DNTT: variants seen among roughly 807,000 people sequenced by gnomAD.
DNTT encodes the protein nucleosidetriphosphate:DNA deoxynucleotidylexotransferase.
Under a neutral mutation model 60.9 loss-of-function variants are expected in DNTT, and 47 were observed. The ratio of observed to expected loss-of-function variants is 0.77; its 90% confidence interval spans 0.61 to 0.98. The LOEUF (loss-of-function observed/expected upper bound fraction) is 0.98, where lower values mean the gene tolerates loss of function less well. Among genes scored for constraint, DNTT ranks in the 50% least tolerant of loss-of-function variants. The probability of loss-of-function intolerance (pLI) is 0.00; values close to 1 mark genes in which losing one functional copy is unlikely to be tolerated. For synonymous variants in DNTT, 224 were observed against 221.2 expected (o/e 1.01, Z -0.11); for missense variants, 665 against 627.5 (o/e 1.06, Z -0.64).
intron 1 of DNTT, among the ~76,000 whole-genome samples, chr10:96,305,889 T>C (rs1198571509): frequency 2.0e-5 from 3 of 152,148 alleles, no homozygotes; most frequent in Non-Finnish European, 2.9e-5. Flanking sequence ...CCACCTGATT[T>C]CTCTTTGCAA....
intron 1 of DNTT, among the ~76,000 whole-genome samples, chr10:96,312,442 G>T (rs1158511968): frequency 6.6e-6 from 1 of 152,012 alleles, no homozygotes; most frequent in African/African-American, 2.4e-5. Flanking sequence ...AGACATTGGC[G>T]CCTCCTCTTA....
At chr10:96,332,301 A>G (rs1216883429) in intron 8 of DNTT, 50 bp from the exon 9 acceptor site, 3 of 1,589,322 alleles carry the variant, frequency 1.9e-6, no homozygotes, top group Non-Finnish European at 1.7e-6. Flanking sequence ...GTTAAATCAT[A>G]GATCTTCTTC....
intron 9 of DNTT, among the ~76,000 whole-genome samples, chr10:96,335,318 G>T (rs575365474): frequency 2.0e-5 from 3 of 152,280 alleles, no homozygotes; most frequent in African/African-American, 7.2e-5. Context: ...TAGACGATCA[G>T]TTTCATGGCA....
intron 1 of DNTT, among the ~76,000 whole-genome samples, chr10:96,307,689 A>G (rs1230946447): frequency 9.2e-5 from 10 of 109,204 alleles, no homozygotes; most frequent in Non-Finnish European, 1.7e-4. Flanking sequence ...ATATATATGT[A>G]TGTGTGTGTG....
intron 1 of DNTT, among the ~76,000 whole-genome samples, chr10:96,310,351 A>C (rs1323740265): frequency 3.9e-5 from 6 of 152,234 alleles, no homozygotes; most frequent in African/African-American, 1.4e-4. Flanking sequence ...CAAAATATTC[A>C]AAGTCATTGT....
At chr10:96,309,382 GAA>G (rs1473235727) in intron 1 of DNTT, among the ~76,000 whole-genome samples, 2 of 151,986 alleles carry the variant, frequency 1.3e-5, no homozygotes, top group African/African-American at 4.8e-5. Context: ...AGTCAGACAG[GAA>G]AGTCAGGAAT....
intron 8 of DNTT, among the ~76,000 whole-genome samples, chr10:96,329,462 C>T (rs1844979482): frequency 6.6e-6 from 1 of 152,186 alleles, no homozygotes; most frequent in African/African-American, 2.4e-5. Flanking sequence ...GTGAGAGCCT[C>T]ACTTCCTAGA....
intron 1 of DNTT, among the ~76,000 whole-genome samples, chr10:96,305,927 C>T (rs10786275): frequency 0.99 from 151,088 of 152,204 alleles, 75,001 homozygotes; most frequent in Middle Eastern, 1. Flanking sequence ...TGCTGCCTCT[C>T]TGTAACCTCC....
At chr10:96,311,661 G>A (rs1564869559) in intron 1 of DNTT, among the ~76,000 whole-genome samples, 2 of 152,090 alleles carry the variant, frequency 1.3e-5, no homozygotes, top group Middle Eastern at 3.2e-3. Flanking sequence ...TTGTTTGGGG[G>A]GAGACAGGGC....
intron 7 of DNTT, among the ~76,000 whole-genome samples, chr10:96,327,880 A>C (rs1246713802): frequency 6.6e-6 from 1 of 152,092 alleles, no homozygotes; most frequent in East Asian, 1.9e-4. Context: ...CTCATTCTTT[A>C]ACACTCAATT....
intron 6 of DNTT, among the ~76,000 whole-genome samples, chr10:96,326,913 T>C (rs1844944139): frequency 6.6e-6 from 1 of 152,220 alleles, no homozygotes; most frequent in African/African-American, 2.4e-5. Flanking sequence ...CACACTGCTC[T>C]GTGGGAACCA....
chr10:96,326,540 A>G (rs1189714842), intron 6 of DNTT, among the ~76,000 whole-genome samples: 1 of 152,130 alleles, frequency 6.6e-6, no homozygotes, highest in Non-Finnish European at 1.5e-5. Context: ...CCCTTCCACA[A>G]TCCCAGGGTG....
chr10:96,306,294 A>G (rs767575598), intron 1 of DNTT, among the ~76,000 whole-genome samples: 1 of 152,104 alleles, frequency 6.6e-6, no homozygotes, highest in African/African-American at 2.4e-5. Context: ...GGGTTTCACT[A>G]TGTTGACCAG....
intron 9 of DNTT, among the ~76,000 whole-genome samples, chr10:96,334,780 G>C (rs1845048139): frequency 6.6e-6 from 1 of 152,222 alleles, no homozygotes; most frequent in African/African-American, 2.4e-5. Context: ...ATAGTTGATT[G>C]AGAAAGGGGA....
At chr10:96,314,645 C>A (rs1049985008) in intron 1 of DNTT, among the ~76,000 whole-genome samples, 1 of 151,418 alleles carries the variant, frequency 6.6e-6, no homozygotes, top group African/African-American at 2.4e-5. Context: ...ATCTCCTGAC[C>A]TCATGATCTG....
chr10:96,317,466 AT>A (rs1844800086), intron 1 of DNTT, among the ~76,000 whole-genome samples: 1 of 152,160 alleles, frequency 6.6e-6, no homozygotes, highest in African/African-American at 2.4e-5. Context: ...TAAATAATTA[AT>A]TTATTGTTAA....
chr10:96,312,702 C>T (rs1468880455), intron 1 of DNTT, among the ~76,000 whole-genome samples: 2 of 152,118 alleles, frequency 1.3e-5, no homozygotes, highest in East Asian at 1.9e-4. Flanking sequence ...CAGTAGATAA[C>T]GAAAACAGAC....
chr10:96,312,949 C>T (rs1844737842), intron 1 of DNTT, among the ~76,000 whole-genome samples: 1 of 152,076 alleles, frequency 6.6e-6, no homozygotes, highest in African/African-American at 2.4e-5. Flanking sequence ...TAAATCTGGC[C>T]ATGTGCTGGG....
chr10:96,334,398 C>T (rs950060559), intron 9 of DNTT, among the ~76,000 whole-genome samples: 1 of 152,226 alleles, frequency 6.6e-6, no homozygotes, highest in Non-Finnish European at 1.5e-5. Context: ...CTGTCACTCA[C>T]AGGAGAGGAC....
Sources: gnomAD v4.1 joint callset for allele counts (sites outside exome capture counted in the v4.1 genomes callset) on GRCh38, gnomAD v4.1.1 for gene constraint, MANE v1.5 for transcripts, NCBI Gene and HGNC (gene_info 2026-07-23, HGNC 2026-07-21) for gene names.